Variants in MCC observed in about 807,000 individuals in gnomAD.
MCC encodes MCC regulator of Wnt signaling pathway, also known as colorectal mutant cancer protein.
Under a neutral mutation model 116.2 loss-of-function variants are expected in MCC, and 90 were observed. The observed-to-expected ratio is 0.77, with a 90% CI of 0.65 to 0.92. MCC has a LOEUF of 0.92. MCC is among the 40% of genes least tolerant of loss of function. MCC has a pLI of 0.00. For synonymous variants in MCC, 578 were observed against 510.5 expected (o/e 1.13, Z -1.78); for missense variants, 1,516 against 1,312.2 (o/e 1.16, Z -2.40).
chr5:113,196,137 T>C (rs545545864), intron 3 of MCC, among the ~76,000 whole-genome samples: 40 of 152,364 alleles, frequency 2.6e-4, no homozygotes, highest in Non-Finnish European at 4.4e-4. Flanking sequence ...GTCACTTCTA[T>C]TGGTGATATA....
intron 3 of MCC, among the ~76,000 whole-genome samples, chr5:113,215,146 T>C (rs1461948366): frequency 7.9e-5 from 12 of 152,206 alleles, no homozygotes; most frequent in African/African-American, 2.4e-4. Context: ...CAGAAGCCTT[T>C]GCTGACAACC....
chr5:113,355,351 G>A (rs949125789), intron 2 of MCC, among the ~76,000 whole-genome samples: 1 of 152,098 alleles, frequency 6.6e-6, no homozygotes, highest in Non-Finnish European at 1.5e-5. Context: ...CCCCTATTGT[G>A]CATTTCATAG....
chr5:113,022,217 G>A lies in MCC; in HGVS notation c.*5085C>T, dbSNP rs962520586. 6.6e-5 allele frequency: 10 copies of A among 152,628 alleles called. No homozygotes were observed. The highest frequency in any genetic ancestry group is 1.9e-4 in the African/African-American group (8 of 41,454). The allele number at this position is 152,628 out of a possible 1,614,324, so 9.5% of individuals were successfully genotyped here. ...ACAATTCTATATCAAATAACGCAAA[G>A]TAGCTATTTTACAGCAGCTAAAACT... On this transcript the variant is annotated 3_prime_UTR_variant, in exon 19 of 19. Transcript: ENST00000408903.
intron 15 of MCC, among the ~76,000 whole-genome samples, chr5:113,050,994 T>A (rs1488206947): frequency 1.3e-5 from 2 of 152,216 alleles, no homozygotes; most frequent in African/African-American, 4.8e-5. Flanking sequence ...AAACTTGTCA[T>A]CTCTCAGGCT....
At chr5:113,129,078 G>C (rs942737189) in intron 5 of MCC, among the ~76,000 whole-genome samples, 1 of 152,170 alleles carries the variant, frequency 6.6e-6, no homozygotes. Context: ...TCAAATGAGG[G>C]GGCATTTTGT....
chr5:113,455,473 T>C (rs1342495999), intron 1 of MCC, among the ~76,000 whole-genome samples: 2 of 152,274 alleles, frequency 1.3e-5, no homozygotes, highest in South Asian at 2.1e-4. Flanking sequence ...CAGGGGTCTG[T>C]AACAACTAAC....
At chr5:113,406,314 G>A (rs1769832625) in intron 1 of MCC, among the ~76,000 whole-genome samples, 1 of 152,168 alleles carries the variant, frequency 6.6e-6, no homozygotes, top group African/African-American at 2.4e-5. Flanking sequence ...GCTAGCTTAA[G>A]ATTGTCTTGG....
At chr5:113,405,199 C>T (rs527861440) in intron 1 of MCC, among the ~76,000 whole-genome samples, 2 of 152,326 alleles carry the variant, frequency 1.3e-5, no homozygotes, top group Non-Finnish European at 2.9e-5. Context: ...CCAAATGCCT[C>T]CTTACAGTAG....
At chr5:113,421,353 T>C (rs1239810970) in intron 1 of MCC, among the ~76,000 whole-genome samples, 1 of 152,092 alleles carries the variant, frequency 6.6e-6, no homozygotes, top group Non-Finnish European at 1.5e-5. Flanking sequence ...ATATGACCTT[T>C]ACCCCCACTG....
chr5:113,228,477 C>T (rs767825185), intron 3 of MCC, among the ~76,000 whole-genome samples: 2 of 152,160 alleles, frequency 1.3e-5, no homozygotes, highest in Non-Finnish European at 2.9e-5. Flanking sequence ...AAGTGAGCAA[C>T]AAGCCTGGGG....
chr5:113,311,516 C>A (rs1767133659), intron 3 of MCC, among the ~76,000 whole-genome samples: 2 of 152,326 alleles, frequency 1.3e-5, no homozygotes, highest in Middle Eastern at 3.4e-3. Flanking sequence ...TGAGTGAGTC[C>A]AGGCTTTACA....
intron 3 of MCC, among the ~76,000 whole-genome samples, chr5:113,267,726 A>G (rs955835929): frequency 3.0e-4 from 45 of 152,354 alleles, no homozygotes; most frequent in African/African-American, 1.0e-3. Context: ...AACGGGAGGC[A>G]GGGGTGACTG....
rs369617124 is a variant in MCC, at chr5:113,394,947, T to C, written c.171-9735A>G. On this transcript the variant is annotated intron_variant, in intron 1 of 18. Transcript: ENST00000408903. ...GTCTATGACTACTTTTTTGCTATAATAGCAGAGTTGAATCATTGTGACAGA... is the reference window on the plus strand; with the variant it reads ...GTCTATGACTACTTTTTTGCTATAACAGCAGAGTTGAATCATTGTGACAGA... Among the ~76,000 whole-genome samples, 47 of 152,344 alleles carry C rather than the reference T, an allele frequency of 3.1e-4. No homozygotes were observed. In the East Asian group the frequency reaches 6.0e-3, roughly 19 times the overall value.
At position 113,043,647 on chromosome 5, in the gene MCC, C is replaced by T. The variant is rs1469999199; in HGVS notation, c.2656-17G>A. 7 of 1,587,074 alleles carry T rather than the reference C, an allele frequency of 4.4e-6. No individual in the cohort carries two copies. Among genetic ancestry groups the T allele is most frequent in the Non-Finnish European group, 5.2e-6 (6 of 1,156,054 alleles). On this transcript the variant is annotated splice_polypyrimidine_tract_variant and intron_variant, in intron 16 of 18. Coordinates refer to ENST00000408903, the MANE Select transcript of MCC (RefSeq NM_001085377.2). ...AGCACACTCCTGACAACAGCAAACA[C>T]ATTCCAGTTAGGCCTGAATCCAAGC...
chr5:113,256,587 G>A (rs998894298), intron 3 of MCC, among the ~76,000 whole-genome samples: 1 of 152,200 alleles, frequency 6.6e-6, no homozygotes, highest in South Asian at 2.1e-4. Context: ...CAATAAACTT[G>A]CCTACCTATA....
At chr5:113,193,984 T>C (rs1762265699) in intron 3 of MCC, among the ~76,000 whole-genome samples, 2 of 152,228 alleles carry the variant, frequency 1.3e-5, no homozygotes, top group African/African-American at 2.4e-5. Flanking sequence ...GGGGATCATC[T>C]ACCTGCCAGT....
intron 3 of MCC, among the ~76,000 whole-genome samples, chr5:113,276,784 A>G (rs1581354917): frequency 6.8e-6 from 1 of 147,016 alleles, no homozygotes; most frequent in South Asian, 2.1e-4. Flanking sequence ...TCGTCACCAC[A>G]CCCAACTAAT....
rs1014707767 is a variant in MCC, at chr5:113,471,961, C to T, written c.170+16284G>A. On this transcript the variant is annotated intron_variant, in intron 1 of 18. Transcript: ENST00000408903. ...CTCCGTGGGCGTGGGACCCTTCGAG[C>T]CAGGTGAGGGATATAATCTCCTGGT... 1.3e-5 allele frequency among the ~76,000 whole-genome samples: 2 copies of T among 152,084 alleles called. 1 individual carries two copies. Among genetic ancestry groups the T allele is most frequent in the South Asian group, 4.2e-4 (2 of 4,814 alleles).
At chr5:113,304,466 G>A (rs147805371) in intron 3 of MCC, among the ~76,000 whole-genome samples, 3 of 152,250 alleles carry the variant, frequency 2.0e-5, no homozygotes, top group Admixed American at 6.5e-5. Context: ...ACCCAGCCTA[G>A]GCATCCTAAT....
Sources: allele counts gnomAD v4.1 joint callset (sites outside exome capture counted in the v4.1 genomes callset), GRCh38; gene constraint gnomAD v4.1.1; transcripts MANE v1.5; gene names NCBI Gene and HGNC (gene_info 2026-07-23, HGNC 2026-07-21).